Variants in ADK observed in about 807,000 individuals in gnomAD.
ADK encodes N6,N6-dimethyladenosine kinase.
Under a neutral mutation model 44.7 loss-of-function variants are expected in ADK, and 24 were observed. That is an observed-to-expected ratio of 0.54 (90% CI 0.39 to 0.76). The LOEUF is 0.76. Among genes scored for constraint, ADK ranks in the 30% least tolerant of loss-of-function variants. The pLI is 0.00. For synonymous variants in ADK, 128 were observed against 142.6 expected (o/e 0.90, Z 0.73); for missense variants, 321 against 425.1 (o/e 0.76, Z 2.15).
intron 6 of ADK, among the ~76,000 whole-genome samples, chr10:74,455,075 G>A (rs1224511349): frequency 6.6e-6 from 1 of 151,912 alleles, no homozygotes; most frequent in African/African-American, 2.4e-5. Context: ...TATATTTTGG[G>A]GTAGTATATC....
chr10:74,642,824 G>GTTTTTTT (rs1564833109), intron 9 of ADK, among the ~76,000 whole-genome samples: 1 of 119,580 alleles, frequency 8.4e-6, no homozygotes, highest in African/African-American at 3.1e-5. Flanking sequence ...AAAATCTTAA[G>GTTTTTTT]TTCTTTTTTT....
At chr10:74,334,756 C>A (rs922465736) in intron 4 of ADK, among the ~76,000 whole-genome samples, 11 of 152,082 alleles carry the variant, frequency 7.2e-5, no homozygotes, top group African/African-American at 2.7e-4. Flanking sequence ...GTTTTCCTGG[C>A]AGGCTTCATA....
chr10:74,396,542 AC>A (rs1371327330), intron 5 of ADK, among the ~76,000 whole-genome samples: 1 of 152,142 alleles, frequency 6.6e-6, no homozygotes. Flanking sequence ...TGTCTAAAAA[AC>A]AAAAAACAAA....
At chr10:74,415,552 C>G (rs1844340538) in intron 6 of ADK, among the ~76,000 whole-genome samples, 2 of 152,084 alleles carry the variant, frequency 1.3e-5, no homozygotes, top group Admixed American at 6.6e-5. Context: ...TCTGTTGTTG[C>G]TATCTTTTCA....
intron 9 of ADK, among the ~76,000 whole-genome samples, chr10:74,617,511 A>T (rs2134016003): frequency 6.6e-6 from 1 of 152,322 alleles, no homozygotes; most frequent in Middle Eastern, 3.4e-3. Flanking sequence ...TTATGGAAAG[A>T]TATTTCACCT....
intron 7 of ADK, among the ~76,000 whole-genome samples, chr10:74,565,496 G>A (rs1195744667): frequency 1.3e-5 from 2 of 152,192 alleles, no homozygotes; most frequent in African/African-American, 4.8e-5. Flanking sequence ...GGGAGGCTGA[G>A]GCGGGCAGAT....
Position 74,226,257 on chromosome 10 carries a change from G to A in ADK, c.194+1666G>A, listed in dbSNP as rs541378012. Among the ~76,000 whole-genome samples the A allele has an allele frequency of 1.4e-4, 21 of 152,046 alleles. No individual in the cohort carries two copies. In the South Asian group the frequency reaches 3.7e-3, roughly 27 times the overall value. ...TGAGTAGCAGGGATTACAGGCACCCGCCACCATGCCCAGCTAATTTTTATA... is the reference window on the plus strand; with the variant it reads ...TGAGTAGCAGGGATTACAGGCACCCACCACCATGCCCAGCTAATTTTTATA... On this transcript the variant is annotated intron_variant, in intron 3 of 10. Transcript: ENST00000539909.
intron 6 of ADK, among the ~76,000 whole-genome samples, chr10:74,481,589 G>T (rs1320180486): frequency 3.9e-5 from 6 of 151,930 alleles, no homozygotes; most frequent in African/African-American, 1.5e-4. Flanking sequence ...TGCTTAATAG[G>T]GATAATTGCT....
intron 4 of ADK, among the ~76,000 whole-genome samples, chr10:74,375,283 C>CT (rs1260765338): frequency 6.6e-6 from 1 of 151,816 alleles, no homozygotes; most frequent in East Asian, 1.9e-4. Context: ...TTGCCTTTTG[C>CT]TTTTTTTAAT....
intron 9 of ADK, among the ~76,000 whole-genome samples, chr10:74,602,186 A>G (rs1852163222): frequency 6.6e-6 from 1 of 151,822 alleles, no homozygotes; most frequent in Non-Finnish European, 1.5e-5. Context: ...AAGTACTAGC[A>G]ATCTTTTATT....
At chr10:74,185,948 A>G (rs1473279066) in intron 1 of ADK, among the ~76,000 whole-genome samples, 2 of 150,906 alleles carry the variant, frequency 1.3e-5, no homozygotes, top group Non-Finnish European at 2.9e-5. Flanking sequence ...CCTGGGGTCA[A>G]GGGATTCTTC....
intron 6 of ADK, among the ~76,000 whole-genome samples, chr10:74,430,511 T>C (rs1844946272): frequency 6.6e-6 from 1 of 152,104 alleles, no homozygotes; most frequent in Non-Finnish European, 1.5e-5. Context: ...TCCCAGCATT[T>C]TAGGAGGCCG....
intron 4 of ADK, among the ~76,000 whole-genome samples, chr10:74,391,091 CCAA>C (rs1324769304): frequency 6.6e-6 from 1 of 152,110 alleles, no homozygotes; most frequent in Non-Finnish European, 1.5e-5. Context: ...AATAACATAA[CCAA>C]CAATAAACCT....
At chr10:74,279,234 T>C (rs1846821946) in intron 3 of ADK, among the ~76,000 whole-genome samples, 1 of 151,606 alleles carries the variant, frequency 6.6e-6, no homozygotes, top group Non-Finnish European at 1.5e-5. Flanking sequence ...GATCCGAGAT[T>C]GCGCCACTGC....
chr10:74,485,367 C>T (rs895555537), intron 6 of ADK, among the ~76,000 whole-genome samples: 2 of 151,776 alleles, frequency 1.3e-5, no homozygotes, highest in East Asian at 1.9e-4. Flanking sequence ...GAGGCTGAGA[C>T]GGGAGTATTG....
At chr10:74,686,206 C>T (rs916759483) in intron 10 of ADK, among the ~76,000 whole-genome samples, 1 of 152,074 alleles carries the variant, frequency 6.6e-6, no homozygotes, top group African/African-American at 2.4e-5. Context: ...CCTGATCTGC[C>T]CGCCTAGGCC....
intron 3 of ADK, among the ~76,000 whole-genome samples, chr10:74,237,662 T>C (rs1845023463): frequency 6.6e-6 from 1 of 152,216 alleles, no homozygotes; most frequent in Non-Finnish European, 1.5e-5. Context: ...TCTTAAATAA[T>C]AAGACTTGAA....
intron 6 of ADK, among the ~76,000 whole-genome samples, chr10:74,477,028 A>G (rs896980047): frequency 6.6e-6 from 1 of 152,060 alleles, no homozygotes; most frequent in Non-Finnish European, 1.5e-5. Flanking sequence ...GATTTCTGTT[A>G]TTGTATGGTA....
At chr10:74,615,423 A>G (rs932497272) in intron 9 of ADK, among the ~76,000 whole-genome samples, 7 of 152,192 alleles carry the variant, frequency 4.6e-5, no homozygotes, top group Admixed American at 1.3e-4. Flanking sequence ...TGACAAACAC[A>G]TAAGATCATG....
Sources: gnomAD v4.1 joint callset for allele counts (sites outside exome capture counted in the v4.1 genomes callset) on GRCh38, gnomAD v4.1.1 for gene constraint, MANE v1.5 for transcripts, NCBI Gene and HGNC (gene_info 2026-07-23, HGNC 2026-07-21) for gene names.